TGFBR1: variants seen among roughly 807,000 people sequenced by gnomAD.
The protein encoded by TGFBR1 is transforming growth factor beta receptor 1.
Under a neutral mutation model 55.1 loss-of-function variants are expected in TGFBR1, and 20 were observed. That is an observed-to-expected ratio of 0.36 (90% CI 0.26 to 0.53). The LOEUF is 0.53. Among genes scored for constraint, TGFBR1 ranks in the 20% least tolerant of loss-of-function variants. The pLI is 0.91. For synonymous variants in TGFBR1, 220 were observed against 214.8 expected, an observed-to-expected ratio of 1.02 and a Z score of -0.21; for missense variants, 385 against 617.6, an observed-to-expected ratio of 0.62 and a Z score of 3.99.
chr9:99,130,978 G>A (rs1827205406), intron 2 of TGFBR1, among the ~76,000 whole-genome samples: 1 of 152,156 alleles, frequency 6.6e-6, no homozygotes, highest in African/African-American at 2.4e-5. Flanking sequence ...ACAATTCAGA[G>A]AAAAGACAGT....
At chr9:99,146,637 T>C (rs1444112696) in intron 7 of TGFBR1, 28 bp downstream of exon 7, 2 of 1,613,720 alleles carry the variant, frequency 1.2e-6, no homozygotes, top group East Asian at 2.2e-5. Context: ...CCCCCAGTAG[T>C]TTGTCATGAG....
At chr9:99,110,882 T>C (rs2118268913) in intron 1 of TGFBR1, among the ~76,000 whole-genome samples, 1 of 152,362 alleles carries the variant, frequency 6.6e-6, no homozygotes, top group East Asian at 1.9e-4. Context: ...TGTACTCTTT[T>C]CCTATACAAA....
rs200772657 is a variant in TGFBR1, at chr9:99,153,238, C to T, written c.*3933C>T. The stretch of plus-strand genomic sequence containing the variant: ...TGTTTAATATTTGTCAGAGCATTCT[C>T]CAGGTTTGCAGTTTTATTTCTATAA... On this transcript the variant is annotated 3_prime_UTR_variant, in exon 9 of 9. Transcript: ENST00000374994. 1.8e-5 allele frequency: 4 copies of T among 222,784 alleles called. No individual in the cohort carries two copies. Among genetic ancestry groups the T allele is most frequent in the Non-Finnish European group, 3.6e-5 (4 of 111,294 alleles). The allele number at this position is 222,784 out of a possible 1,614,324, so 13.8% of individuals were successfully genotyped here. A position where few individuals can be genotyped will look rare whatever the true frequency, so the allele number is the denominator to read the frequency against.
At position 99,151,941 on chromosome 9, in the gene TGFBR1, T is replaced by A. The variant is rs199685230; in HGVS notation, c.*2636T>A. 1.0e-5 allele frequency: 2 copies of A among 199,012 alleles called. No individual in the cohort carries two copies. Among genetic ancestry groups the A allele is most frequent in the Non-Finnish European group, 2.1e-5 (2 of 96,292 alleles). 12.3% of individuals were successfully genotyped at this position (199,012 alleles called of 1,614,324 possible). On this transcript the variant is annotated 3_prime_UTR_variant, in exon 9 of 9. Transcript: ENST00000374994. Reference sequence around the variant, plus strand: ...CAAGATTCAACGTGGCTAAAACATCTTCTGGTAAATTGTGCGTCCATATTC... The same window carrying A: ...CAAGATTCAACGTGGCTAAAACATCATCTGGTAAATTGTGCGTCCATATTC...
At chr9:99,143,514 A>T (rs1411147177) in intron 5 of TGFBR1, among the ~76,000 whole-genome samples, 1 of 152,214 alleles carries the variant, frequency 6.6e-6, no homozygotes, top group Non-Finnish European at 1.5e-5. Flanking sequence ...AGATGCCAGT[A>T]TATCTCTCTG....
intron 4 of TGFBR1, among the ~76,000 whole-genome samples, chr9:99,140,230 C>T (rs2118749640): frequency 6.6e-6 from 1 of 152,272 alleles, no homozygotes; most frequent in East Asian, 1.9e-4. Flanking sequence ...GTGGGTGGAT[C>T]ACGAGGTCAA....
intron 1 of TGFBR1, among the ~76,000 whole-genome samples, chr9:99,105,929 C>A (rs1198883330): frequency 6.6e-6 from 1 of 152,230 alleles, no homozygotes; most frequent in Non-Finnish European, 1.5e-5. Context: ...GCCGACCCTG[C>A]TGGAAGGGGC....
In TGFBR1 at chr9:99,151,925, A is replaced by G. The variant is rs201765733; in HGVS notation, c.*2620A>G. 5 of 201,376 alleles carry G rather than the reference A, an allele frequency of 2.5e-5. No individual in the cohort carries two copies. Among genetic ancestry groups the G allele is most frequent in the Admixed American group, 6.0e-5 (1 of 16,642 alleles). 12.5% of individuals were successfully genotyped at this position (201,376 alleles called of 1,614,324 possible). On this transcript the variant is annotated 3_prime_UTR_variant, in exon 9 of 9. Transcript: ENST00000374994. The stretch of plus-strand genomic sequence containing the variant: ...TAGGATGCTCACCTTCCAAGATTCA[A>G]CGTGGCTAAAACATCTTCTGGTAAA...
chr9:99,138,141 T>A (rs1385162467), intron 4 of TGFBR1, 52 bp downstream of exon 4: 1 of 1,494,430 alleles, frequency 6.7e-7, no homozygotes, highest in South Asian at 1.1e-5. Flanking sequence ...TCTCTTTAAG[T>A]CTTTACAGAT....
At chr9:99,135,074 G>C (rs1320287098) in intron 3 of TGFBR1, among the ~76,000 whole-genome samples, 1 of 151,916 alleles carries the variant, frequency 6.6e-6, no homozygotes, top group Non-Finnish European at 1.5e-5. Flanking sequence ...CAAAATGTTT[G>C]CATGAAAGCA....
chr9:99,110,438 TTCTTAC>T (rs1399573030), intron 1 of TGFBR1, among the ~76,000 whole-genome samples: 1 of 152,188 alleles, frequency 6.6e-6, no homozygotes, highest in Non-Finnish European at 1.5e-5. Context: ...GTACCAAAAC[TTCTTAC>T]TTATTTGCTG....
chr9:99,105,110 C>G, upstream of TGFBR1: 1 of 970,452 alleles, frequency 1.0e-6, no homozygotes, highest in Non-Finnish European at 1.3e-6. Flanking sequence ...GCGAGGCCGC[C>G]GCGGCGGCTA....
At chr9:99,139,919 C>T (rs1827558048) in intron 4 of TGFBR1, among the ~76,000 whole-genome samples, 1 of 152,124 alleles carries the variant, frequency 6.6e-6, no homozygotes, top group Non-Finnish European at 1.5e-5. Context: ...GATTGCATTT[C>T]CATAGTGTCT....
intron 1 of TGFBR1, 129 bp downstream of exon 1, chr9:99,105,431 CG>C: frequency 1.2e-6 from 1 of 834,888 alleles, no homozygotes; most frequent in Non-Finnish European, 1.4e-6. Flanking sequence ...GGGCCCGGGC[CG>C]GGCTCTCGTG....
chr9:99,114,751 C>T (rs1286034131), intron 1 of TGFBR1, among the ~76,000 whole-genome samples: 1 of 152,214 alleles, frequency 6.6e-6, no homozygotes, highest in Non-Finnish European at 1.5e-5. Context: ...ACATTTTTCT[C>T]ATGCCCTTAT....
Position 99,152,847 on chromosome 9 carries a change from AC to A in TGFBR1, c.*3545del. 1 of 231,662 alleles carries A rather than the reference AC, an allele frequency of 4.3e-6. No individual in the cohort carries two copies. Among genetic ancestry groups the A allele is most frequent in the Non-Finnish European group, 8.6e-6 (1 of 116,696 alleles). The allele number at this position is 231,662 out of a possible 1,614,324, so 14.4% of individuals were successfully genotyped here. ...TGTCTCTGTTTTGGATTACTGGAATACCCATGGGCCCTCTCAAGAGTGCTGG... is the reference window on the plus strand; with the variant it reads ...TGTCTCTGTTTTGGATTACTGGAATACCATGGGCCCTCTCAAGAGTGCTGG... On this transcript the variant is annotated 3_prime_UTR_variant, in exon 9 of 9. Transcript: ENST00000374994.
Position 99,132,680 on chromosome 9 carries a change from C to T in TGFBR1, c.515C>T (p.Ser172Leu). ...CCTTCATTAGATCGCCCTTTTATTTCAGAGGGTACTACGTTGAAAGACTTA... is the reference window on the plus strand; with the variant it reads ...CCTTCATTAGATCGCCCTTTTATTTTAGAGGGTACTACGTTGAAAGACTTA... ...EDPSLDRPFI[S>L]EGTTLKDLIY... The change falls in exon 3 of 9, where the codon TCA becomes TTA. Residue 172 changes from serine (S) to leucine (L), a missense_variant. By Grantham distance (145) the Ser-to-Leu change is moderately radical. Around this residue, in one of 5 missense-constraint regions of TGFBR1, gnomAD observed 146 missense variants for 167.7 expected, o/e 0.87. Transcript: ENST00000374994. 6.2e-7 allele frequency: 1 copy of T among 1,614,146 alleles called. No individual in the cohort carries two copies.
chr9:99,105,533 C>G (rs543890383), intron 1 of TGFBR1, among the ~76,000 whole-genome samples: 1 of 150,838 alleles, frequency 6.6e-6, no homozygotes, highest in Non-Finnish European at 1.5e-5. Flanking sequence ...CGGACGTGTC[C>G]GGCTGCCCGA....
At chr9:99,134,815 TA>T (rs1827375571) in intron 3 of TGFBR1, among the ~76,000 whole-genome samples, 1 of 48,892 alleles carries the variant, frequency 2.0e-5, no homozygotes, top group Non-Finnish European at 4.7e-5. Context: ...TATATATATA[TA>T]TATATATATA....
Sources: allele counts gnomAD v4.1 joint callset (sites outside exome capture counted in the v4.1 genomes callset), GRCh38; gene constraint gnomAD v4.1.1; regional missense constraint gnomAD v4.1.1; transcripts MANE v1.5; gene names NCBI Gene and HGNC (gene_info 2026-07-23, HGNC 2026-07-21).